The following STXBP5L variants were observed in gnomAD, a reference collection of about 807,000 sequenced individuals.
The protein encoded by STXBP5L is syntaxin binding protein 5L.
STXBP5L carries 65 observed loss-of-function variants against 144.5 expected under a neutral mutation model. The observed-to-expected ratio is 0.45, with a 90% CI of 0.37 to 0.55. STXBP5L has a LOEUF of 0.55. Among genes scored for constraint, STXBP5L ranks in the 20% least tolerant of loss-of-function variants. STXBP5L has a pLI of 0.00. For synonymous variants in STXBP5L, 505 were observed against 469.6 expected, an observed-to-expected ratio of 1.08 and a Z score of -0.97; for missense variants, 1,298 against 1,405.5, an observed-to-expected ratio of 0.92 and a Z score of 1.22.
At chr3:121,019,473 A>T (rs984605938) in intron 3 of STXBP5L, among the ~76,000 whole-genome samples, 1 of 152,114 alleles carries the variant, frequency 6.6e-6, no homozygotes, top group African/African-American at 2.4e-5. Context: ...CACAAAACCA[A>T]CACACTTACC....
chr3:121,020,043 G>A (rs1439375312), intron 3 of STXBP5L, among the ~76,000 whole-genome samples: 1 of 152,060 alleles, frequency 6.6e-6, no homozygotes, highest in Non-Finnish European at 1.5e-5. Flanking sequence ...GGATACAAAT[G>A]GAAGAATCGC....
intron 3 of STXBP5L, among the ~76,000 whole-genome samples, chr3:120,983,983 A>G (rs965833396): frequency 6.6e-6 from 1 of 152,190 alleles, no homozygotes; most frequent in Non-Finnish European, 1.5e-5. Context: ...CCTGGTGATC[A>G]GAGTGCAGAG....
chr3:121,385,129 T>C (rs987054037), intron 22 of STXBP5L, among the ~76,000 whole-genome samples: 3 of 151,986 alleles, frequency 2.0e-5, no homozygotes, highest in African/African-American at 7.2e-5. Context: ...CTTACCCCAG[T>C]GGTAGATGCT....
chr3:121,385,627 C>A (rs2046410122), intron 22 of STXBP5L, among the ~76,000 whole-genome samples: 1 of 152,062 alleles, frequency 6.6e-6, no homozygotes, highest in Non-Finnish European at 1.5e-5. Context: ...AATTAATAGC[C>A]ATCATACTAC....
intron 15 of STXBP5L, among the ~76,000 whole-genome samples, chr3:121,254,205 G>A (rs1481209362): frequency 6.6e-6 from 1 of 152,110 alleles, no homozygotes; most frequent in Non-Finnish European, 1.5e-5. Flanking sequence ...AGGATCCTTT[G>A]TAGAATCATA....
intron 17 of STXBP5L, among the ~76,000 whole-genome samples, chr3:121,258,154 A>T (rs2050268686): frequency 6.6e-6 from 1 of 152,198 alleles, no homozygotes; most frequent in Non-Finnish European, 1.5e-5. Context: ...AAGTTAACAA[A>T]GCCCATAGTA....
chr3:121,138,383 T>A (rs2045354863), intron 7 of STXBP5L, among the ~76,000 whole-genome samples: 1 of 152,076 alleles, frequency 6.6e-6, no homozygotes, highest in Non-Finnish European at 1.5e-5. Flanking sequence ...ACCAATACCA[T>A]TCTTCACAGA....
intron 12 of STXBP5L, among the ~76,000 whole-genome samples, chr3:121,237,535 C>T (rs2049521056): frequency 6.6e-6 from 1 of 152,218 alleles, no homozygotes; most frequent in South Asian, 2.1e-4. Flanking sequence ...TGCTCTCTTA[C>T]TGGTCATGCT....
intron 5 of STXBP5L, among the ~76,000 whole-genome samples, chr3:121,080,385 GT>G (rs777941392): frequency 6.6e-6 from 1 of 151,058 alleles, no homozygotes; most frequent in Non-Finnish European, 1.5e-5. Flanking sequence ...TAAATACTTT[GT>G]TTTTTTTTAA....
chr3:121,092,939 A>G (rs1201204229), intron 5 of STXBP5L, among the ~76,000 whole-genome samples: 4 of 152,204 alleles, frequency 2.6e-5, no homozygotes, highest in African/African-American at 4.8e-5. Flanking sequence ...GTTTTGAGAT[A>G]TGTCCCATCA....
chr3:121,082,486 G>A (rs1403685759), intron 5 of STXBP5L, among the ~76,000 whole-genome samples: 1 of 152,148 alleles, frequency 6.6e-6, no homozygotes, highest in South Asian at 2.1e-4. Flanking sequence ...TCAGGCAGAG[G>A]CAGCTTTATC....
chr3:121,053,463 C>G (rs996237254), intron 5 of STXBP5L, among the ~76,000 whole-genome samples: 4 of 152,162 alleles, frequency 2.6e-5, no homozygotes, highest in East Asian at 3.9e-4. Flanking sequence ...CTGATCTTTG[C>G]CAAACCTGAC....
At chr3:121,153,581 C>T (rs1158981316) in intron 8 of STXBP5L, among the ~76,000 whole-genome samples, 1 of 151,898 alleles carries the variant, frequency 6.6e-6, no homozygotes, top group African/African-American at 2.4e-5. Context: ...AACCTGTAGT[C>T]ACCCTAGAAT....
intron 19 of STXBP5L, among the ~76,000 whole-genome samples, chr3:121,294,778 AAAAAC>A (rs961797879): frequency 2.6e-5 from 4 of 152,152 alleles, no homozygotes; most frequent in Admixed American, 6.6e-5. Flanking sequence ...TCACAGAAGA[AAAAAC>A]AAAACAAAAC....
intron 9 of STXBP5L, among the ~76,000 whole-genome samples, chr3:121,169,148 C>T (rs967795559): frequency 6.6e-6 from 1 of 152,130 alleles, no homozygotes; most frequent in Non-Finnish European, 1.5e-5. Flanking sequence ...CTGAAAGATG[C>T]TGTCCCCACC....
chr3:121,079,349 T>C (rs1279112075), intron 5 of STXBP5L, among the ~76,000 whole-genome samples: 2 of 152,208 alleles, frequency 1.3e-5, no homozygotes, highest in African/African-American at 4.8e-5. Context: ...TTATTGGTCT[T>C]GTGACACTGC....
At chr3:121,324,492 G>T in intron 20 of STXBP5L, 1 of 692,062 alleles carries the variant, frequency 1.4e-6, no homozygotes, top group South Asian at 1.5e-5. Context: ...CCTTCCTTTA[G>T]GACTTGCTAC....
chr3:121,051,462 T>G (rs1045269402), intron 5 of STXBP5L, among the ~76,000 whole-genome samples: 4 of 152,164 alleles, frequency 2.6e-5, no homozygotes, highest in African/African-American at 9.7e-5. Context: ...ACATGGAAAC[T>G]GAACAACCTG....
At chr3:121,003,709 C>G (rs1034556317) in intron 3 of STXBP5L, among the ~76,000 whole-genome samples, 1 of 152,020 alleles carries the variant, frequency 6.6e-6, no homozygotes, top group African/African-American at 2.4e-5. Context: ...GTCTTTAATC[C>G]ATCTTGAATT....
Sources: allele counts gnomAD v4.1 joint callset (sites outside exome capture counted in the v4.1 genomes callset), GRCh38; gene constraint gnomAD v4.1.1; transcripts MANE v1.5; gene names NCBI Gene and HGNC (gene_info 2026-07-23, HGNC 2026-07-21).